ARHGAP39: variants seen among roughly 807,000 people sequenced by gnomAD.
The protein encoded by ARHGAP39 is rho GTPase-activating protein 39.
In ARHGAP39, 44 loss-of-function variants were observed where a neutral mutation model predicts 106.9. That is an observed-to-expected ratio of 0.41 (90% CI 0.32 to 0.53). The LOEUF (loss-of-function observed/expected upper bound fraction) is 0.53, where lower values mean the gene tolerates loss of function less well. ARHGAP39 is among the 20% of genes least tolerant of loss of function. ARHGAP39 has a pLI of 0.21. For synonymous variants in ARHGAP39, 768 were observed against 693.2 expected, an observed-to-expected ratio of 1.11 and a Z score of -1.69; for missense variants, 1,496 against 1,577.3, an observed-to-expected ratio of 0.95 and a Z score of 0.87.
At chr8:144,698,936 C>T in the ARHGAP39 span, 1 of 452,842 alleles carries the variant, frequency 2.2e-6, no homozygotes, top group Admixed American at 2.4e-5. Context: ...AGTGTTCACA[C>T]CATCCCACGG....
At chr8:144,571,309 A>G (rs1389063976) in intron 3 of ARHGAP39, among the ~76,000 whole-genome samples, 2 of 152,246 alleles carry the variant, frequency 1.3e-5, no homozygotes, top group African/African-American at 4.8e-5. Context: ...CATCCCTGGG[A>G]TGCAAGGCTG....
rs532517132 is a variant in ARHGAP39 at position 144,600,430 on chromosome 8, G to C, written c.80+5105C>G. ...TGCACTTGTGTACCTGAGTGTGCGT[G>C]TTCGTGGAGGCGTGCATGTGCACTT... On this transcript the variant is annotated intron_variant, in intron 2 of 11. Transcript: ENST00000377307. Among the ~76,000 whole-genome samples the C allele has an allele frequency of 1.5e-4, 22 of 149,886 alleles. No homozygotes were observed. The East Asian group carries it at 3.3e-3, about 23-fold the overall frequency.
In ARHGAP39 at chr8:144,641,989, G is replaced by A. The variant is rs1821323566; in HGVS notation, c.-81-36294C>T. Among the ~76,000 whole-genome samples the A allele has an allele frequency of 6.6e-6, 1 of 152,216 alleles. No individual in the cohort carries two copies. The highest frequency in any genetic ancestry group is 1.9e-4 in the East Asian group (1 of 5,190). On this transcript the variant is annotated intron_variant, in intron 1 of 11. Transcript: ENST00000377307. This position sits in a 1 kb window ranked among gnomAD's most constrained non-coding sequence, Gnocchi z 5.2. ...CCACACCCAGGCTACATAGATCTGT[G>A]AGCAACAGATGTATGTTGCTTTAAG...
chr8:144,567,839 T>C (rs1818455985), intron 3 of ARHGAP39, among the ~76,000 whole-genome samples: 1 of 152,160 alleles, frequency 6.6e-6, no homozygotes, highest in African/African-American at 2.4e-5. Flanking sequence ...TACCTATCAT[T>C]GGAGATGGCT....
intron 1 of ARHGAP39, among the ~76,000 whole-genome samples, chr8:144,685,153 A>G (rs1397693310): frequency 7.3e-6 from 1 of 137,704 alleles, no homozygotes; most frequent in Non-Finnish European, 1.6e-5. Flanking sequence ...GCACACTCAC[A>G]CCTCCCTCGG....
At chr8:144,653,076 T>C (rs1195579033) in intron 1 of ARHGAP39, among the ~76,000 whole-genome samples, 1 of 152,076 alleles carries the variant, frequency 6.6e-6, no homozygotes, top group Non-Finnish European at 1.5e-5. Flanking sequence ...GGCGGGCAGA[T>C]CACCTGAGGT....
At chr8:144,633,959 T>C (rs866809919) in intron 1 of ARHGAP39, among the ~76,000 whole-genome samples, 4 of 152,260 alleles carry the variant, frequency 2.6e-5, no homozygotes, top group Middle Eastern at 3.2e-3. Flanking sequence ...TGTAACAAAC[T>C]GCAGAGAGGA....
rs574481840 is a variant in ARHGAP39, at chr8:144,549,739, T to C, written c.597-1250A>G. 2.5e-3 allele frequency among the ~76,000 whole-genome samples: 374 copies of C among 152,260 alleles called. 3 individuals carry two copies. Among genetic ancestry groups the C allele is most frequent in the Non-Finnish European group, 9.4e-4 (64 of 68,000 alleles). On this transcript the variant is annotated intron_variant, in intron 4 of 11. Transcript: ENST00000377307. ...CGAACTCCTGACCTCCTGATCCGCC[T>C]GCCTCGGCCTCCCAAAGTGCTGGGA... is the stretch of plus-strand genomic sequence containing the variant.
intron 1 of ARHGAP39, among the ~76,000 whole-genome samples, chr8:144,674,887 G>A (rs1822191135): frequency 6.6e-6 from 1 of 152,238 alleles, no homozygotes. Flanking sequence ...CCTCAACTTT[G>A]TTCCAAAATT....
Position 144,547,898 on chromosome 8 carries a change from C to T in ARHGAP39, c.1188G>A (p.Arg396=). 3 of 1,583,404 alleles carry T rather than the reference C, an allele frequency of 1.9e-6. No homozygotes were observed. Among genetic ancestry groups the T allele is most frequent in the Non-Finnish European group, 1.7e-6 (2 of 1,165,480 alleles). The change falls in exon 5 of 12, where the codon CGG becomes CGA. Residue 396 remains arginine (R), a synonymous_variant. Transcript: ENST00000377307. This position sits in a 1 kb window ranked among gnomAD's most constrained non-coding sequence, Gnocchi z 5.2. ...CCGCCTGCTCCACGTAGACCAGCTG[C>T]CGCACGTACTCCTTGCCGGCGGGAC... ...EYSPAGKEYV[R]QLVYVEQAGS...
chr8:144,649,494 G>T (rs1586636995), intron 1 of ARHGAP39, among the ~76,000 whole-genome samples: 1 of 151,928 alleles, frequency 6.6e-6, no homozygotes, highest in Non-Finnish European at 1.5e-5. Context: ...ACGTGGCCAG[G>T]CGCTGTGGCT....
chr8:144,540,373 G>A (rs1817139435), intron 6 of ARHGAP39, among the ~76,000 whole-genome samples: 1 of 152,164 alleles, frequency 6.6e-6, no homozygotes, highest in Non-Finnish European at 1.5e-5. Context: ...ACCACCCTGG[G>A]CCACAGAGTC....
intron 4 of ARHGAP39, among the ~76,000 whole-genome samples, chr8:144,551,034 C>T (rs990604580): frequency 6.6e-6 from 1 of 152,196 alleles, no homozygotes; most frequent in African/African-American, 2.4e-5. Flanking sequence ...ACAGAAAACC[C>T]TCGGTCAATG....
intron 3 of ARHGAP39, among the ~76,000 whole-genome samples, chr8:144,561,319 C>G (rs1586906818): frequency 6.6e-6 from 1 of 151,976 alleles, no homozygotes; most frequent in Non-Finnish European, 1.5e-5. Flanking sequence ...TGGTTTCCAT[C>G]AGACCCCAGT....
intron 2 of ARHGAP39, among the ~76,000 whole-genome samples, chr8:144,582,862 G>A (rs745768891): frequency 6.6e-6 from 1 of 152,180 alleles, no homozygotes; most frequent in Non-Finnish European, 1.5e-5. Flanking sequence ...ATGTTTCACC[G>A]TCATCCCCGT....
chr8:144,606,411 G>A lies in ARHGAP39; in HGVS notation c.-81-716C>T, dbSNP rs541612121. Among the ~76,000 whole-genome samples the A allele has an allele frequency of 2.6e-5, 4 of 152,278 alleles. No homozygotes were observed. The East Asian group carries it at 5.8e-4, about 22-fold the overall frequency. ...ACACGACGAGGATGAAGATCTTTAG[G>A]ATGATCCACTTCCACGTAATGACAG... On this transcript the variant is annotated intron_variant, in intron 1 of 11. Transcript: ENST00000377307.
rs562883559 is a variant in ARHGAP39 at position 144,566,343 on chromosome 8, C to T, written c.513-10700G>A. Among the ~76,000 whole-genome samples the T allele has an allele frequency of 5.3e-4, 81 of 152,100 alleles. No individual in the cohort carries two copies. The South Asian group carries it at 0.016, about 31-fold the overall frequency. On this transcript the variant is annotated intron_variant, in intron 3 of 11. Coordinates refer to ENST00000377307, the MANE Select transcript of ARHGAP39 (RefSeq NM_025251.3). Reference sequence around the variant, plus strand: ...GCTTTGGGGGCCGAGGCAGGTGGATCGCTTGAGTCCAAGAGTTTGAGACCA... The same window carrying T: ...GCTTTGGGGGCCGAGGCAGGTGGATTGCTTGAGTCCAAGAGTTTGAGACCA...
chr8:144,608,478 C>T (rs1233119313), intron 1 of ARHGAP39, among the ~76,000 whole-genome samples: 1 of 152,198 alleles, frequency 6.6e-6, no homozygotes, highest in Non-Finnish European at 1.5e-5. Context: ...TTCCTCCCAT[C>T]TGGGACCCCA....
At chr8:144,619,792 G>A (rs1387079434) in intron 1 of ARHGAP39, among the ~76,000 whole-genome samples, 1 of 150,702 alleles carries the variant, frequency 6.6e-6, no homozygotes, top group African/African-American at 2.4e-5. Flanking sequence ...GTCCGAGAGA[G>A]CGCGTGCCCG....
Sources: gnomAD v4.1 joint callset for allele counts (sites outside exome capture counted in the v4.1 genomes callset) on GRCh38, gnomAD v4.1.1 for gene constraint, Gnocchi (gnomAD v3.1) non-coding constraint, MANE v1.5 for transcripts, NCBI Gene and HGNC (gene_info 2026-07-23, HGNC 2026-07-21) for gene names.